The following CNGA1 variants were observed in gnomAD, a reference collection of about 807,000 sequenced individuals.
CNGA1 encodes cyclic nucleotide gated channel subunit alpha 1.
A neutral mutation model predicts 69.7 loss-of-function variants in CNGA1; 53 were observed. That is an observed-to-expected ratio of 0.76 (90% CI 0.61 to 0.96). CNGA1 has a LOEUF of 0.96. Among genes scored for constraint, CNGA1 ranks in the 40% least tolerant of loss-of-function variants. The pLI, the probability that CNGA1 is intolerant of heterozygous loss-of-function variation, is 0.00. For missense variants in CNGA1, 739 were observed against 811.2 expected (o/e 0.91, Z 1.08); for synonymous variants, 249 against 283.5 (o/e 0.88, Z 1.22).
intron 3 of CNGA1, among the ~76,000 whole-genome samples, chr4:47,968,896 T>A (rs182429118): frequency 3.3e-5 from 5 of 152,154 alleles, no homozygotes; most frequent in African/African-American, 1.2e-4. Context: ...ATCTGGAGAA[T>A]AGAAATTAAA....
intron 3 of CNGA1, among the ~76,000 whole-genome samples, chr4:47,966,763 A>G (rs1560295847): frequency 6.6e-6 from 1 of 152,330 alleles, no homozygotes; most frequent in East Asian, 1.9e-4. Context: ...CAACTATTAT[A>G]AGTATATTTG....
At chr4:47,982,862 T>C (rs1741792048) in intron 2 of CNGA1, among the ~76,000 whole-genome samples, 2 of 152,278 alleles carry the variant, frequency 1.3e-5, no homozygotes, top group South Asian at 2.1e-4. Context: ...TGGAGTGCAG[T>C]GGTGCCATCG....
chr4:47,954,806 A>AG (rs574707487), intron 3 of CNGA1, among the ~76,000 whole-genome samples: 24 of 152,262 alleles, frequency 1.6e-4, no homozygotes, highest in South Asian at 1.5e-3. Flanking sequence ...GCCTTTTTGA[A>AG]GGGGGGGTAA....
At chr4:47,956,866 T>C (rs1167511649) in intron 3 of CNGA1, among the ~76,000 whole-genome samples, 1 of 152,208 alleles carries the variant, frequency 6.6e-6, no homozygotes, top group Non-Finnish European at 1.5e-5. Context: ...TCAAACTGCC[T>C]TTTTTGCTGG....
chr4:47,968,392 A>T (rs1287283706), intron 3 of CNGA1, among the ~76,000 whole-genome samples: 1 of 152,184 alleles, frequency 6.6e-6, no homozygotes, highest in African/African-American at 2.4e-5. Flanking sequence ...TTGTACAAAG[A>T]TATTGAAGCA....
intron 3 of CNGA1, among the ~76,000 whole-genome samples, chr4:47,953,479 G>A (rs1739867468): frequency 6.6e-6 from 1 of 152,194 alleles, no homozygotes; most frequent in Admixed American, 6.5e-5. Context: ...AGGGTCTTGA[G>A]TAGTATTCAA....
At chr4:47,992,790 C>T (rs554609714) in intron 2 of CNGA1, among the ~76,000 whole-genome samples, 1 of 152,088 alleles carries the variant, frequency 6.6e-6, no homozygotes, top group Non-Finnish European at 1.5e-5. Context: ...GGAATACTTT[C>T]AACTTTTCCC....
chr4:48,016,559 C>T lies in CNGA1; in HGVS notation c.-299G>A, dbSNP rs1715392464. 2 of 482,630 alleles carry T rather than the reference C, an allele frequency of 4.1e-6. No homozygotes were observed. Among genetic ancestry groups the T allele is most frequent in the East Asian group, 3.7e-5 (1 of 27,126 alleles). The allele number at this position is 482,630 out of a possible 1,614,324, so 29.9% of individuals were successfully genotyped here. A position where few individuals can be genotyped will look rare whatever the true frequency, so the allele number is the denominator to read the frequency against. ...GTGTTTCTCTAGTTCGCGGCTCCAGCAGTCGCGCCAAGGGGCAGCTGCTAC... is the reference window on the plus strand; with the variant it reads ...GTGTTTCTCTAGTTCGCGGCTCCAGTAGTCGCGCCAAGGGGCAGCTGCTAC... On this transcript the variant is annotated 5_prime_UTR_variant, in exon 1 of 11. Transcript: ENST00000514170.
rs529523430 is a variant in CNGA1, at chr4:47,937,357, C to G, written c.1125G>C (p.Val375=). The part of the protein sequence containing the change: ...PVRDSEYVFV[V]VDFLIGVLIF... ...TTAACACTCCAATTAGGAAATCAAC[C>G]ACCACAAAGACATACTCAGAATCCC... Residue 375 remains valine (V), a synonymous_variant, in exon 11 of 11, where the codon GTG becomes GTC. Transcript: ENST00000514170. 1.9e-6 allele frequency: 3 copies of G among 1,614,092 alleles called. No homozygotes were observed. The East Asian group carries it at 6.7e-5, about 36-fold the overall frequency.
rs1291321203 is a variant in CNGA1 at position 47,961,727 on chromosome 4, C to CAAAAAT, written c.-14-9030_-14-9025dup. ...TGGGTGACAGAGCAAGATTGTGTTTCAAAAATAAAAATAAAAATACTGTCC... is the reference window on the plus strand; with the variant it reads ...TGGGTGACAGAGCAAGATTGTGTTTCAAAAATAAAAATAAAAATAAAAATACTGTCC... On this transcript the variant is annotated intron_variant, in intron 3 of 10. Coordinates refer to ENST00000514170, the MANE Select transcript of CNGA1 (RefSeq NM_001379270.1). 2.6e-5 allele frequency among the ~76,000 whole-genome samples: 4 copies of CAAAAAT among 152,076 alleles called. No homozygotes were observed. In the East Asian group the frequency reaches 7.7e-4, roughly 29 times the overall value.
At chr4:48,012,999 T>A (rs1715235372) in intron 1 of CNGA1, 1 of 151,650 alleles carries the variant, frequency 6.6e-6, no homozygotes, top group African/African-American at 2.4e-5. Context: ...TGAGCCAAAC[T>A]CCAACGTCAT....
At chr4:47,994,204 G>A (rs1742387607) in intron 2 of CNGA1, among the ~76,000 whole-genome samples, 1 of 152,116 alleles carries the variant, frequency 6.6e-6, no homozygotes, top group Non-Finnish European at 1.5e-5. Context: ...TTGTGCCAGG[G>A]TATAGTTTAA....
At chr4:47,993,520 G>A (rs752738272) in intron 2 of CNGA1, among the ~76,000 whole-genome samples, 1 of 152,046 alleles carries the variant, frequency 6.6e-6, no homozygotes, top group Non-Finnish European at 1.5e-5. Flanking sequence ...TTTCTGTGAT[G>A]TCAGTTGTAA....
intron 3 of CNGA1, among the ~76,000 whole-genome samples, chr4:47,972,688 T>C (rs1307169228): frequency 2.0e-5 from 3 of 152,244 alleles, no homozygotes; most frequent in Non-Finnish European, 4.4e-5. Context: ...ATATTCTTGG[T>C]CTGCTTTTTT....
chr4:47,938,397 A>T (rs1451275513), intron 10 of CNGA1, among the ~76,000 whole-genome samples: 18 of 142,736 alleles, frequency 1.3e-4, no homozygotes, highest in African/African-American at 1.0e-4. Context: ...TACTAAGTGC[A>T]TTTTTTTTTT....
intron 3 of CNGA1, among the ~76,000 whole-genome samples, chr4:47,974,533 G>C (rs140017094): frequency 1.3e-5 from 2 of 151,908 alleles, no homozygotes; most frequent in Non-Finnish European, 2.9e-5. Context: ...TTAAAATAAT[G>C]TTTTCCATTA....
intron 6 of CNGA1, among the ~76,000 whole-genome samples, chr4:47,944,556 C>T (rs1275721133): frequency 6.6e-6 from 1 of 152,114 alleles, no homozygotes; most frequent in Non-Finnish European, 1.5e-5. Flanking sequence ...AACACCATGG[C>T]AGATGGTGGA....
intron 2 of CNGA1, among the ~76,000 whole-genome samples, chr4:47,997,994 C>A (rs960554318): frequency 4.6e-5 from 7 of 152,158 alleles, no homozygotes; most frequent in African/African-American, 1.7e-4. Flanking sequence ...AGTAAAGGAA[C>A]ATCTGTATAC....
chr4:48,013,415 G>A (rs536709120), intron 1 of CNGA1, among the ~76,000 whole-genome samples: 2 of 152,284 alleles, frequency 1.3e-5, no homozygotes, highest in East Asian at 1.9e-4. Flanking sequence ...TACATTCTAG[G>A]GACACATGAG....
Sources: gnomAD v4.1 joint callset for allele counts (sites outside exome capture counted in the v4.1 genomes callset) on GRCh38, gnomAD v4.1.1 for gene constraint, MANE v1.5 for transcripts, NCBI Gene and HGNC (gene_info 2026-07-23, HGNC 2026-07-21) for gene names.